Variants in PPP1R16B observed in about 807,000 individuals in gnomAD.
PPP1R16B encodes the protein protein phosphatase 1 regulatory subunit 16B, also known as protein phosphatase 1 regulatory inhibitor subunit 16B.
Under a neutral mutation model 61.7 loss-of-function variants are expected in PPP1R16B, and 14 were observed. That is an observed-to-expected ratio of 0.23 (90% CI 0.15 to 0.35). The LOEUF (loss-of-function observed/expected upper bound fraction) is 0.35. Ranked by LOEUF, PPP1R16B falls within the 10% of genes least tolerant of loss-of-function variation. The probability of loss-of-function intolerance (pLI) is 1.00; values close to 1 mark genes in which losing one functional copy is unlikely to be tolerated. For synonymous variants in PPP1R16B, 266 were observed against 305.3 expected (o/e 0.87, Z 1.34); for missense variants, 547 against 752.5 (o/e 0.73, Z 3.19).
At chr20:38,890,186 C>G (rs1025055802) in intron 3 of PPP1R16B, among the ~76,000 whole-genome samples, 11 of 152,250 alleles carry the variant, frequency 7.2e-5, no homozygotes, top group African/African-American at 2.4e-4. Context: ...GTGGATGCTG[C>G]TACAGCCTCG....
intron 2 of PPP1R16B, among the ~76,000 whole-genome samples, chr20:38,856,521 GC>G (rs1426280232): frequency 2.0e-5 from 3 of 152,094 alleles, no homozygotes; most frequent in African/African-American, 7.2e-5. Context: ...TGAGGGAGGG[GC>G]TCTCTCTTCT....
intron 4 of PPP1R16B, among the ~76,000 whole-genome samples, chr20:38,895,956 CTTT>C (rs1425741823): frequency 2.8e-5 from 3 of 105,758 alleles, no homozygotes; most frequent in African/African-American, 1.3e-4. Context: ...TCCCTCCCTC[CTTT>C]CTTCTTTCTT....
chr20:38,901,054 G>A (rs992515041), intron 5 of PPP1R16B, among the ~76,000 whole-genome samples: 2 of 152,216 alleles, frequency 1.3e-5, no homozygotes, highest in African/African-American at 4.8e-5. Flanking sequence ...GAGGGTGCCT[G>A]CTCTGTGCCA....
chr20:38,876,113 C>T (rs2085164413), intron 2 of PPP1R16B, among the ~76,000 whole-genome samples: 2 of 151,660 alleles, frequency 1.3e-5, no homozygotes, highest in African/African-American at 4.8e-5. Flanking sequence ...GCTGGGATTA[C>T]AGGTGCCTAC....
chr20:38,835,865 T>C lies in PPP1R16B; in HGVS notation c.-61T>C. 1 of 1,465,136 alleles carries C rather than the reference T, an allele frequency of 6.8e-7. No individual in the cohort carries two copies. Among genetic ancestry groups the C allele is most frequent in the Non-Finnish European group, 9.0e-7 (1 of 1,111,460 alleles). 90.8% of individuals were successfully genotyped at this position (1,465,136 alleles called of 1,614,324 possible). A position where few individuals can be genotyped will look rare whatever the true frequency, so the allele number is the denominator to read the frequency against. ...CCCAGCCCCACCAGAGGCCCCGCGCTGCCCTGGCCCCCGGTGCACCGTGCT... is the reference window on the plus strand; with the variant it reads ...CCCAGCCCCACCAGAGGCCCCGCGCCGCCCTGGCCCCCGGTGCACCGTGCT... On this transcript the variant is annotated 5_prime_UTR_variant, in exon 2 of 11. Transcript: ENST00000299824.
chr20:38,818,588 C>T (rs2084754046), intron 1 of PPP1R16B, among the ~76,000 whole-genome samples: 1 of 152,048 alleles, frequency 6.6e-6, no homozygotes, highest in South Asian at 2.1e-4. Context: ...GGAAGGTAAG[C>T]GGTGGAGGCA....
intron 10 of PPP1R16B, among the ~76,000 whole-genome samples, chr20:38,915,509 G>A (rs966704775): frequency 1.3e-5 from 2 of 151,590 alleles, no homozygotes; most frequent in East Asian, 1.9e-4. Context: ...TTTTTGAGAC[G>A]GAGTCTCACT....
intron 10 of PPP1R16B, among the ~76,000 whole-genome samples, chr20:38,916,475 C>T (rs749094290): frequency 1.3e-5 from 2 of 150,546 alleles, no homozygotes; most frequent in Non-Finnish European, 3.0e-5. Flanking sequence ...GACATCTTTC[C>T]ATGCCAGCTT....
intron 2 of PPP1R16B, chr20:38,872,996 T>A (rs1214142231): frequency 6.6e-6 from 1 of 152,280 alleles, no homozygotes; most frequent in Non-Finnish European, 1.5e-5. Flanking sequence ...CCCCTGCTGA[T>A]CAGAAAACTG....
intron 2 of PPP1R16B, among the ~76,000 whole-genome samples, chr20:38,887,369 C>T (rs771625365): frequency 2.8e-4 from 42 of 152,244 alleles, no homozygotes; most frequent in Non-Finnish European, 4.4e-4. Context: ...TGGATGGTGC[C>T]ACCTAGAATT....
At position 38,806,512 on chromosome 20, in the gene PPP1R16B, T is replaced by A. The variant is rs1199261004; in HGVS notation, c.-102+720T>A. Among the ~76,000 whole-genome samples the A allele has an allele frequency of 6.6e-6, 1 of 151,884 alleles. No individual in the cohort carries two copies. The highest frequency in any genetic ancestry group is 3.2e-3 in the Middle Eastern group (1 of 316). On this transcript the variant is annotated intron_variant, in intron 1 of 10. Transcript: ENST00000299824. The surrounding 1 kb of genome is among the most constrained non-coding windows in gnomAD (Gnocchi z 4.5). The stretch of plus-strand genomic sequence containing the variant: ...CTCCCCTCTGGGCGACTCCGGCTCA[T>A]CGATTCCGGCCCAGAGGAGCGCCCC...
intron 2 of PPP1R16B, among the ~76,000 whole-genome samples, chr20:38,852,768 T>TTTCG (rs1601257219): frequency 1.6e-5 from 1 of 62,334 alleles, no homozygotes; most frequent in Non-Finnish European, 3.0e-5. Flanking sequence ...TTTTTTTTTT[T>TTTCG]GCGGGGGGTG....
chr20:38,863,539 C>A (rs1251236983), intron 2 of PPP1R16B, among the ~76,000 whole-genome samples: 1 of 152,244 alleles, frequency 6.6e-6, no homozygotes, highest in South Asian at 2.1e-4. Flanking sequence ...AAGGACCAGG[C>A]CCTTTCCAGG....
chr20:38,885,036 C>CAAAAAAAAAAAAAAA (rs71330453), intron 2 of PPP1R16B, among the ~76,000 whole-genome samples: 1 of 67,824 alleles, frequency 1.5e-5, no homozygotes, highest in Non-Finnish European at 2.6e-5. Flanking sequence ...AACTCTGTCT[C>CAAAAAAAAAAAAAAA]AAAAAAAAAA....
In PPP1R16B at chr20:38,831,669, G is replaced by T. The variant is rs75578307; in HGVS notation, c.-101-4156G>T. 3.8e-4 allele frequency among the ~76,000 whole-genome samples: 58 copies of T among 152,336 alleles called. No homozygotes were observed. The East Asian group carries it at 0.011, about 28-fold the overall frequency. On this transcript the variant is annotated intron_variant, in intron 1 of 10. Coordinates refer to ENST00000299824, the MANE Select transcript of PPP1R16B (RefSeq NM_015568.4). ...CTCTACACCAGTTGATGGTGATGCC[G>T]TGTGAGCCCACTGTGGCCCCATACC...
chr20:38,824,265 A>G (rs2084790578), intron 1 of PPP1R16B, among the ~76,000 whole-genome samples: 2 of 152,168 alleles, frequency 1.3e-5, no homozygotes, highest in African/African-American at 4.8e-5. Flanking sequence ...AGGTTCTGCA[A>G]TGTTAGCCTT....
chr20:38,873,785 C>T (rs1391314174), intron 2 of PPP1R16B, among the ~76,000 whole-genome samples: 1 of 147,966 alleles, frequency 6.8e-6, no homozygotes. Context: ...GTTGCCCAGG[C>T]TGGCGTGATC....
intron 2 of PPP1R16B, among the ~76,000 whole-genome samples, chr20:38,839,100 G>T (rs767514537): frequency 6.6e-6 from 1 of 152,142 alleles, no homozygotes. Flanking sequence ...GCTAATTTTT[G>T]TATTTTTAGT....
intron 2 of PPP1R16B, among the ~76,000 whole-genome samples, chr20:38,843,048 AGG>A (rs1316809345): frequency 6.6e-6 from 1 of 152,172 alleles, no homozygotes; most frequent in Non-Finnish European, 1.5e-5. Flanking sequence ...CAGTTTGTAA[AGG>A]GTTTAGGGAA....
Sources: gnomAD v4.1 joint callset for allele counts (sites outside exome capture counted in the v4.1 genomes callset) on GRCh38, gnomAD v4.1.1 for gene constraint, Gnocchi (gnomAD v3.1) non-coding constraint, MANE v1.5 for transcripts, NCBI Gene and HGNC (gene_info 2026-07-23, HGNC 2026-07-21) for gene names.